ADSS1: variants seen among roughly 807,000 people sequenced by gnomAD.
ADSS1 encodes the protein adenylosuccinate synthase 1, also known as adenylosuccinate synthetase isozyme 1.
A neutral mutation model predicts 59.1 loss-of-function variants in ADSS1; 57 were observed. The ratio of observed to expected loss-of-function variants is 0.97; its 90% CI spans 0.78 to 1.20. The LOEUF (loss-of-function observed/expected upper bound fraction) is 1.20, where lower values mean the gene tolerates loss of function less well. Ranked by LOEUF, ADSS1 falls within the 50% of genes most tolerant of loss-of-function variation. ADSS1 has a pLI of 0.00. For synonymous variants in ADSS1, 247 were observed against 249.4 expected (o/e 0.99, Z 0.09); for missense variants, 603 against 610.3 (o/e 0.99, Z 0.13).
chr14:104,736,720 T>C (rs1485136658), intron 2 of ADSS1, among the ~76,000 whole-genome samples: 1 of 151,650 alleles, frequency 6.6e-6, no homozygotes, highest in Non-Finnish European at 1.5e-5. Context: ...GTTTTTTTGT[T>C]TTTTGTTTAT....
intron 10 of ADSS1, 36 bp downstream of exon 10, chr14:104,743,227 T>C: frequency 6.2e-7 from 1 of 1,601,190 alleles, no homozygotes; most frequent in Non-Finnish European, 8.5e-7. Flanking sequence ...ACTGGGACCG[T>C]CCCTGACTCC....
In ADSS1 at chr14:104,744,840, G is replaced by T. The variant is rs766014695; in HGVS notation, c.1102G>T (p.Asp368Tyr). 5.6e-6 allele frequency: 9 copies of T among 1,614,218 alleles called. No homozygotes were observed. The South Asian group carries it at 8.8e-5, about 16-fold the overall frequency. The part of the protein sequence containing the change: ...ALALTKLDIL[D>Y]VLGEVKVGVS... Reference sequence around the variant, plus strand: ...GGCCCTGACGAAGCTGGACATCCTGGACGTACTGGGTGAGGTTAAAGTCGG... The same window carrying T: ...GGCCCTGACGAAGCTGGACATCCTGTACGTACTGGGTGAGGTTAAAGTCGG... Residue 368 changes from aspartate (D) to tyrosine (Y), a missense_variant, in exon 11 of 13, where the codon GAC becomes TAC. Asp to Tyr is a radical substitution (Grantham distance 160, BLOSUM62 -3). Coordinates refer to ENST00000330877, the MANE Select transcript of ADSS1 (RefSeq NM_152328.5).
At chr14:104,744,168 G>T (rs1203419665) in intron 10 of ADSS1, among the ~76,000 whole-genome samples, 1 of 152,098 alleles carries the variant, frequency 6.6e-6, no homozygotes, top group Non-Finnish European at 1.5e-5. Flanking sequence ...CCCTAAACAC[G>T]GCTGTGCTGT....
In ADSS1 at chr14:104,741,831, C is replaced by A; in HGVS notation, c.794-17C>A. ...AGGGGGTGACAGGTAGCCCCCTAAA[C>A]CTGCTCTGTCTTGCAGGGACCTACC... is the stretch of plus-strand genomic sequence containing the variant. On this transcript the variant is annotated splice_polypyrimidine_tract_variant and intron_variant, in intron 8 of 12. Coordinates refer to ENST00000330877, the MANE Select transcript of ADSS1 (RefSeq NM_152328.5). The A allele has an allele frequency of 6.2e-7, 1 of 1,612,686 alleles. No individual in the cohort carries two copies.
At chr14:104,745,038 C>T in intron 11 of ADSS1, 129 bp downstream of exon 11, 1 of 756,450 alleles carries the variant, frequency 1.3e-6, no homozygotes, top group Non-Finnish European at 2.2e-6. Flanking sequence ...AGCTTGTCTC[C>T]AGTGACCAGC....
Position 104,739,763 on chromosome 14 carries a change from CCA to C in ADSS1, c.424_425del (p.Gln142GlyfsTer48). Reference sequence around the variant, plus strand: ...CCCGCCCGACAGTGTTTGATTTTCACCAGGCTGTCGACGGACTTCAGGAAGTG... The same window carrying C: ...CCCGCCCGACAGTGTTTGATTTTCACGGCTGTCGACGGACTTCAGGAAGTG... ...DRAHLVFDFH[Q>X]AVDGLQEVQR... is the part of the protein sequence containing the mutation. On this transcript the variant is annotated frameshift_variant, in exon 5 of 13. Transcript: ENST00000330877. LOFTEE classifies it high-confidence loss of function. 6.2e-7 allele frequency: 1 copy of C among 1,613,952 alleles called. No homozygotes were observed. The highest frequency in any genetic ancestry group is 8.5e-7 in the Non-Finnish European group (1 of 1,180,010).
At chr14:104,727,750 C>T (rs1185081051) in intron 1 of ADSS1, among the ~76,000 whole-genome samples, 3 of 152,160 alleles carry the variant, frequency 2.0e-5, no homozygotes, top group Non-Finnish European at 2.9e-5. Context: ...TGGCAGTGCC[C>T]GGCCTTCACC....
chr14:104,725,738 C>T (rs1041148328), intron 1 of ADSS1, among the ~76,000 whole-genome samples: 4 of 152,206 alleles, frequency 2.6e-5, no homozygotes, highest in Non-Finnish European at 5.9e-5. Context: ...GCATGTCCAG[C>T]GCTCTACTGC....
intron 5 of ADSS1, 21 bp downstream of exon 5, chr14:104,739,837 TCACC>T (rs778197813): frequency 6.2e-7 from 1 of 1,613,124 alleles, no homozygotes; most frequent in Non-Finnish European, 8.5e-7. Context: ...CGGGACACTC[TCACC>T]CTCGGGGAGT....
intron 5 of ADSS1, 51 bp downstream of exon 5, chr14:104,739,867 G>C: frequency 6.3e-7 from 1 of 1,593,918 alleles, no homozygotes; most frequent in Non-Finnish European, 8.6e-7. Flanking sequence ...GGGCCCGTAA[G>C]CCGGTAGACT....
At chr14:104,743,808 G>C (rs946709997) in intron 10 of ADSS1, among the ~76,000 whole-genome samples, 3 of 152,296 alleles carry the variant, frequency 2.0e-5, no homozygotes, top group South Asian at 2.1e-4. Flanking sequence ...ACGGGAAGCA[G>C]AGGAACCGAG....
intron 10 of ADSS1, chr14:104,743,404 C>T (rs1008755033): frequency 1.6e-6 from 1 of 617,236 alleles, no homozygotes; most frequent in African/African-American, 1.9e-5. Flanking sequence ...AGCACAAACT[C>T]CCACCCCAGG....
At position 104,743,619 on chromosome 14, in the gene ADSS1, G is replaced by A. The variant is rs569233138; in HGVS notation, c.1073+428G>A. ...CCCAGGCTGCCCAGCTGTTCGGGCT[G>A]TCTCCCAGGGATCTGAAAGAGGCTT... On this transcript the variant is annotated intron_variant, in intron 10 of 12. Transcript: ENST00000330877. 9 of 176,298 alleles carry A rather than the reference G, an allele frequency of 5.1e-5. No homozygotes were observed. In the East Asian group the frequency reaches 7.0e-4, roughly 14 times the overall value. The allele number at this position is 176,298 out of a possible 1,614,324, so 10.9% of individuals were successfully genotyped here.
chr14:104,732,310 C>A (rs1890960602), intron 1 of ADSS1, among the ~76,000 whole-genome samples: 1 of 152,210 alleles, frequency 6.6e-6, no homozygotes, highest in Non-Finnish European at 1.5e-5. Context: ...CAGGCTGAAG[C>A]TGGAGGAAAG....
intron 2 of ADSS1, chr14:104,738,022 G>C: frequency 4.2e-6 from 1 of 238,242 alleles, no homozygotes; most frequent in South Asian, 5.2e-5. Flanking sequence ...TGTTTTTTGA[G>C]ACGGAGTCTC....
At chr14:104,742,234 A>G (rs1209314808) in intron 9 of ADSS1, among the ~76,000 whole-genome samples, 2 of 152,262 alleles carry the variant, frequency 1.3e-5, no homozygotes, top group African/African-American at 2.4e-5. Flanking sequence ...GGGTGCGCAC[A>G]TGCCCACACG....
At chr14:104,742,165 C>T (rs1168162499) in intron 9 of ADSS1, among the ~76,000 whole-genome samples, 163 bp downstream of exon 9, 1 of 152,242 alleles carries the variant, frequency 6.6e-6, no homozygotes, top group Non-Finnish European at 1.5e-5. Flanking sequence ...CAGGGGAGAG[C>T]TTAGTAAGAG....
intron 12 of ADSS1, 71 bp from the exon 13 acceptor site, chr14:104,746,880 A>G: frequency 6.6e-7 from 1 of 1,504,642 alleles, no homozygotes; most frequent in Non-Finnish European, 9.2e-7. Flanking sequence ...GAAAGATACG[A>G]CACTAAAGAC....
chr14:104,739,197 G>T, intron 3 of ADSS1, 131 bp from the exon 4 acceptor site: 7 of 873,414 alleles, frequency 8.0e-6, no homozygotes, highest in Non-Finnish European at 1.3e-5. Flanking sequence ...AACAGAGGTG[G>T]CCCTGTCAGC....
Sources: gnomAD v4.1 joint callset for allele counts (sites outside exome capture counted in the v4.1 genomes callset) on GRCh38, gnomAD v4.1.1 for gene constraint, MANE v1.5 for transcripts, NCBI Gene and HGNC (gene_info 2026-07-23, HGNC 2026-07-21) for gene names.